EXT2: variants seen among roughly 807,000 people sequenced by gnomAD.
EXT2 encodes the protein exostosin-2.
Under a neutral mutation model 81.6 loss-of-function variants are expected in EXT2, and 53 were observed. The ratio of observed to expected loss-of-function variants is 0.65; its 90% CI spans 0.52 to 0.82. EXT2 has a LOEUF of 0.82. Ranked by LOEUF, EXT2 falls within the 40% of genes least tolerant of loss-of-function variation. The pLI is 0.00. For synonymous variants in EXT2, 320 were observed against 340.0 expected, an observed-to-expected ratio of 0.94 and a Z score of 0.65; for missense variants, 774 against 910.2, an observed-to-expected ratio of 0.85 and a Z score of 1.93.
At chr11:44,237,091 A>G (rs1342303422) in intron 13 of EXT2, among the ~76,000 whole-genome samples, 1 of 152,192 alleles carries the variant, frequency 6.6e-6, no homozygotes, top group African/African-American at 2.4e-5. Context: ...TTATTTATAC[A>G]AGACAGCAAA....
intron 6 of EXT2, among the ~76,000 whole-genome samples, chr11:44,129,520 A>C (rs1380099554): frequency 5.9e-5 from 9 of 152,214 alleles, no homozygotes; most frequent in African/African-American, 2.2e-4. Context: ...GCTGTTTCCC[A>C]GGCATTCTTC....
At chr11:44,211,104 A>T (rs1360027879) in intron 10 of EXT2, among the ~76,000 whole-genome samples, 1 of 152,250 alleles carries the variant, frequency 6.6e-6, no homozygotes, top group East Asian at 1.9e-4. Context: ...ATAAATTTAG[A>T]TATATAGGAC....
intron 7 of EXT2, among the ~76,000 whole-genome samples, chr11:44,148,478 G>GCC (rs1025367872): frequency 6.6e-6 from 1 of 152,142 alleles, no homozygotes; most frequent in African/African-American, 2.4e-5. Context: ...CAGCACCATA[G>GCC]CCCAGCACAT....
chr11:44,215,733 T>G (rs561383294), intron 10 of EXT2, among the ~76,000 whole-genome samples: 26 of 152,316 alleles, frequency 1.7e-4, no homozygotes, highest in African/African-American at 6.0e-4. Flanking sequence ...TTATCCTACT[T>G]AAAATTAAAA....
chr11:44,151,173 A>AC, intron 7 of EXT2, among the ~76,000 whole-genome samples: 1 of 152,300 alleles, frequency 6.6e-6, no homozygotes, highest in Non-Finnish European at 1.5e-5. Context: ...TGTCCAACAT[A>AC]CCCCACTATT....
intron 8 of EXT2, among the ~76,000 whole-genome samples, chr11:44,172,583 CTT>C (rs35070892): frequency 1.2e-3 from 129 of 107,364 alleles, no homozygotes; most frequent in Non-Finnish European, 1.4e-3. Context: ...TCTACCTTTT[CTT>C]TTTTTTTTTT....
At chr11:44,111,866 GTAAC>G (rs532610196) in intron 3 of EXT2, among the ~76,000 whole-genome samples, 106 of 152,240 alleles carry the variant, frequency 7.0e-4, no homozygotes, top group Admixed American at 2.1e-3. Context: ...TTCAAAAAAT[GTAAC>G]TAACTATAAT....
chr11:44,126,037 G>T (rs537379321), intron 5 of EXT2, among the ~76,000 whole-genome samples: 96 of 151,958 alleles, frequency 6.3e-4, no homozygotes, highest in Admixed American at 2.0e-3. Flanking sequence ...TTAGTTTTTG[G>T]TTTTTTTAAA....
At chr11:44,192,927 A>G (rs1468713266) in intron 8 of EXT2, among the ~76,000 whole-genome samples, 3 of 152,202 alleles carry the variant, frequency 2.0e-5, no homozygotes, top group Non-Finnish European at 4.4e-5. Context: ...TACATCAGCT[A>G]TTCATATCTA....
intron 7 of EXT2, among the ~76,000 whole-genome samples, chr11:44,153,452 A>G (rs1237200366): frequency 6.6e-6 from 1 of 152,006 alleles, no homozygotes; most frequent in Non-Finnish European, 1.5e-5. Context: ...CAATCATGTT[A>G]TCTGTGAACA....
chr11:44,244,881 C>A lies in EXT2; in HGVS notation c.*594C>A, dbSNP rs915539760. On this transcript the variant is annotated 3_prime_UTR_variant, in exon 14 of 14. Transcript: ENST00000533608. Reference sequence around the variant, plus strand: ...GATCCTGTCAGTTCCATGAGCTATTCCTCTTTGGTTTGGCTTTTTGATATG... The same window carrying A: ...GATCCTGTCAGTTCCATGAGCTATTACTCTTTGGTTTGGCTTTTTGATATG... 6.4e-5 allele frequency: 15 copies of A among 233,850 alleles called. No homozygotes were observed. Among genetic ancestry groups the A allele is most frequent in the African/African-American group, 3.3e-4 (15 of 45,252 alleles). 14.5% of individuals were successfully genotyped at this position (233,850 alleles called of 1,614,324 possible).
At chr11:44,109,587 G>A (rs576149032) in intron 3 of EXT2, among the ~76,000 whole-genome samples, 1 of 152,232 alleles carries the variant, frequency 6.6e-6, no homozygotes, top group African/African-American at 2.4e-5. Flanking sequence ...TCTGAATTCG[G>A]GAGCATTTGC....
intron 10 of EXT2, among the ~76,000 whole-genome samples, chr11:44,227,490 C>T (rs888097751): frequency 1.3e-5 from 2 of 152,214 alleles, no homozygotes; most frequent in Non-Finnish European, 2.9e-5. Flanking sequence ...AAGCAAGACA[C>T]CTTGAATAGG....
intron 9 of EXT2, among the ~76,000 whole-genome samples, chr11:44,205,163 G>A (rs1955567596): frequency 1.3e-5 from 2 of 152,196 alleles, no homozygotes; most frequent in Admixed American, 6.5e-5. Context: ...ATACTAGTTT[G>A]TAAATAATTC....
chr11:44,234,058 A>G (rs1955929396), intron 11 of EXT2, 57 bp from the exon 12 acceptor site: 8 of 1,612,292 alleles, frequency 5.0e-6, no homozygotes, highest in Non-Finnish European at 5.9e-6. Flanking sequence ...CCCCTTATTT[A>G]TCAGCTAAAG....
intron 7 of EXT2, among the ~76,000 whole-genome samples, chr11:44,135,285 A>C (rs1339061870): frequency 6.6e-6 from 1 of 152,178 alleles, no homozygotes; most frequent in Non-Finnish European, 1.5e-5. Flanking sequence ...CCATAGCCGT[A>C]GTAGTTTGGA....
At chr11:44,186,485 C>T (rs558785600) in intron 8 of EXT2, among the ~76,000 whole-genome samples, 32 of 152,286 alleles carry the variant, frequency 2.1e-4, no homozygotes, top group African/African-American at 6.0e-4. Flanking sequence ...CAACTTTTTC[C>T]TCTACTACCT....
chr11:44,132,647 C>A (rs560313873), intron 7 of EXT2, among the ~76,000 whole-genome samples: 2 of 152,334 alleles, frequency 1.3e-5, no homozygotes, highest in East Asian at 3.9e-4. Context: ...GTGGTCATCT[C>A]TTCTCCCCTT....
intron 8 of EXT2, among the ~76,000 whole-genome samples, chr11:44,179,570 A>G (rs1363367690): frequency 1.3e-5 from 2 of 152,222 alleles, no homozygotes; most frequent in African/African-American, 4.8e-5. Flanking sequence ...TATCACTTAT[A>G]TTAGCACATC....
Sources: gnomAD v4.1 joint callset for allele counts (sites outside exome capture counted in the v4.1 genomes callset) on GRCh38, gnomAD v4.1.1 for gene constraint, MANE v1.5 for transcripts, NCBI Gene and HGNC (gene_info 2026-07-23, HGNC 2026-07-21) for gene names.